Variants in TSPEAR observed in about 807,000 individuals in gnomAD.
TSPEAR encodes thrombospondin-type laminin G domain and EAR repeat-containing protein.
TSPEAR carries 69 observed loss-of-function variants against 71.6 expected under a neutral mutation model. The ratio of observed to expected loss-of-function variants is 0.96; its 90% CI spans 0.79 to 1.18. The LOEUF is 1.18. TSPEAR is among the 50% of genes most tolerant of loss of function. The pLI is 0.00. For synonymous variants in TSPEAR, 402 were observed against 387.2 expected, an observed-to-expected ratio of 1.04 and a Z score of -0.45; for missense variants, 971 against 894.9, an observed-to-expected ratio of 1.09 and a Z score of -1.09.
At chr21:44,566,683 A>C (rs2053707559) in intron 2 of TSPEAR, among the ~76,000 whole-genome samples, 1 of 152,218 alleles carries the variant, frequency 6.6e-6, no homozygotes, top group African/African-American at 2.4e-5. Flanking sequence ...TGAATAAAGT[A>C]AAATTGAGAG....
chr21:44,499,875 A>G lies in TSPEAR; in HGVS notation c.1918T>C (p.Trp640Arg), dbSNP rs782145177. The G allele has an allele frequency of 2.7e-5, 43 of 1,606,400 alleles. No individual in the cohort carries two copies. The South Asian group carries it at 4.1e-4, about 15-fold the overall frequency. The change falls in exon 12 of 12, where the codon TGG becomes CGG. Residue 640 changes from tryptophan (W) to arginine (R), a missense_variant. Trp to Arg is a moderately radical substitution (Grantham distance 101, BLOSUM62 -3). Coordinates refer to ENST00000323084, the MANE Select transcript of TSPEAR (RefSeq NM_144991.3). ...CCAGCCGTGGTGCTGAAGGCCTCCCAGTCCCTGCAGCCGACGGTGGGGAGG... is the reference window on the plus strand; with the variant it reads ...CCAGCCGTGGTGCTGAAGGCCTCCCGGTCCCTGCAGCCGACGGTGGGGAGG... Reference protein sequence around the residue: ...HSLPTVGCRDWEAFSTTAGAY... With the variant: ...HSLPTVGCRDREAFSTTAGAY...
chr21:44,531,106 G>A lies in TSPEAR; in HGVS notation c.570C>T (p.Thr190=). 6.2e-7 allele frequency: 1 copy of A among 1,613,828 alleles called. No homozygotes were observed. Among genetic ancestry groups the A allele is most frequent in the East Asian group, 2.2e-5 (1 of 44,882 alleles). Residue 190 remains threonine, a synonymous_variant, in exon 4 of 12, where the codon ACC becomes ACT. Transcript: ENST00000323084. ...DIMADVPFPA[T]LSVKGARFFV... ...AGAATCGAGCTCCTTTCACTGACAGGGTGGCTGGGAAGGGCACATCGGCCA... is the reference window on the plus strand; with the variant it reads ...AGAATCGAGCTCCTTTCACTGACAGAGTGGCTGGGAAGGGCACATCGGCCA...
intron 1 of TSPEAR, among the ~76,000 whole-genome samples, chr21:44,620,592 A>G (rs1403557700): frequency 6.6e-6 from 1 of 152,182 alleles, no homozygotes; most frequent in African/African-American, 2.4e-5. Context: ...GGTTTGTCAA[A>G]TCTGTTGCTC....
At position 44,651,159 on chromosome 21, in the gene TSPEAR, C is replaced by T. The variant is rs146074853; in HGVS notation, c.82+60274G>A. 1.1e-4 allele frequency among the ~76,000 whole-genome samples: 17 copies of T among 152,224 alleles called. No homozygotes were observed. In the East Asian group the frequency reaches 2.9e-3, roughly 26 times the overall value. On this transcript the variant is annotated intron_variant, in intron 1 of 11. Coordinates refer to ENST00000323084, the MANE Select transcript of TSPEAR (RefSeq NM_144991.3). Reference sequence around the variant, plus strand: ...GCTCCCACAATGGACAGGCCACGAGCGGGAGAGTGAGGCCGAAGCCCTGGC... The same window carrying T: ...GCTCCCACAATGGACAGGCCACGAGTGGGAGAGTGAGGCCGAAGCCCTGGC...
intron 1 of TSPEAR, among the ~76,000 whole-genome samples, chr21:44,605,017 TTCG>T (rs1981220290): frequency 6.6e-6 from 1 of 152,244 alleles, no homozygotes; most frequent in Admixed American, 6.5e-5. Context: ...TGCATCTATA[TTCG>T]TCAAGGACGT....
intron 1 of TSPEAR, among the ~76,000 whole-genome samples, chr21:44,597,472 G>T (rs187876486): frequency 7.1e-6 from 1 of 140,534 alleles, no homozygotes; most frequent in Non-Finnish European, 1.5e-5. Context: ...CACTCTTGTC[G>T]CCCAGGCTGG....
intron 1 of TSPEAR, chr21:44,697,475 C>A (rs782175425): frequency 1.9e-6 from 3 of 1,613,862 alleles, no homozygotes; most frequent in Middle Eastern, 3.3e-4. Context: ...TAGCTGCCAG[C>A]CGGCTTGCTG....
chr21:44,557,575 T>G (rs899249498), intron 2 of TSPEAR, among the ~76,000 whole-genome samples: 7 of 151,532 alleles, frequency 4.6e-5, no homozygotes, highest in African/African-American at 7.3e-5. Flanking sequence ...GTGTGGGGGA[T>G]TCACAGAGAA....
intron 1 of TSPEAR, chr21:44,601,665 C>T (rs1980931321): frequency 6.2e-7 from 1 of 1,613,064 alleles, no homozygotes; most frequent in Non-Finnish European, 8.5e-7. Flanking sequence ...GTGTGTCTCT[C>T]CTTTGCCGCC....
chr21:44,510,929 C>T (rs899039216), intron 9 of TSPEAR: 1 of 152,304 alleles, frequency 6.6e-6, no homozygotes, highest in African/African-American at 2.4e-5. Context: ...CGCGCCCTCC[C>T]CTCCTGCAGC....
intron 1 of TSPEAR, among the ~76,000 whole-genome samples, chr21:44,674,731 A>AGTGTGTGTGTGT (rs59452363): frequency 4.2e-4 from 53 of 127,150 alleles, no homozygotes; most frequent in South Asian, 9.1e-4. Flanking sequence ...CTGTCTTTAA[A>AGTGTGTGTGTGT]GTGTGTGTGT....
At chr21:44,553,316 A>AT (rs1277246236) in intron 2 of TSPEAR, among the ~76,000 whole-genome samples, 1 of 152,228 alleles carries the variant, frequency 6.6e-6, no homozygotes, top group Non-Finnish European at 1.5e-5. Context: ...TAGGATCTAC[A>AT]TTCTCAACCA....
At chr21:44,528,614 A>T in intron 5 of TSPEAR, 31 bp from the exon 6 acceptor site, 2 of 1,611,166 alleles carry the variant, frequency 1.2e-6, no homozygotes, top group Non-Finnish European at 1.7e-6. Context: ...ATGAGTTTCC[A>T]GCAAGCCAGT....
Position 44,527,435 on chromosome 21 carries a change from GGA to G in TSPEAR, c.1004_1005del (p.Ile335ThrfsTer55). 2 of 1,614,242 alleles carry G rather than the reference GGA, an allele frequency of 1.2e-6. No homozygotes were observed. The highest frequency in any genetic ancestry group is 1.7e-6 in the Non-Finnish European group (2 of 1,180,050). On this transcript the variant is annotated frameshift_variant, in exon 7 of 12. Transcript: ENST00000323084. LOFTEE classifies it high-confidence loss of function. ...GTGGCCACAAAGAGCCCCACCTGAG[GGA>G]TGCGGAACACCTCAATGCCCAGGGT... is the stretch of plus-strand genomic sequence containing the variant. ...SETLGIEVFR[I>X]PQVGLFVATA...
chr21:44,628,203 C>T, intron 1 of TSPEAR: 2 of 835,558 alleles, frequency 2.4e-6, no homozygotes, highest in Non-Finnish European at 3.5e-6. Context: ...CTCACTGGCT[C>T]CTCCCTGACC....
chr21:44,539,231 T>A, intron 2 of TSPEAR: 3 of 1,565,946 alleles, frequency 1.9e-6, no homozygotes, highest in Non-Finnish European at 2.6e-6. Context: ...CTAACCCAGG[T>A]CAGGAACTGA....
intron 2 of TSPEAR, chr21:44,550,310 C>T (rs1275835088): frequency 2.0e-5 from 6 of 304,800 alleles, no homozygotes; most frequent in Admixed American, 4.6e-5. Flanking sequence ...CCAGGCCCCA[C>T]TCTGCCCCCT....
chr21:44,620,020 T>G (rs1982343459), intron 1 of TSPEAR, among the ~76,000 whole-genome samples: 1 of 152,098 alleles, frequency 6.6e-6, no homozygotes, highest in African/African-American at 2.4e-5. Context: ...CTCAGAGGGA[T>G]TCACATAAAA....
At chr21:44,582,230 T>C (rs1979027487) in intron 1 of TSPEAR, among the ~76,000 whole-genome samples, 1 of 152,200 alleles carries the variant, frequency 6.6e-6, no homozygotes, top group South Asian at 2.1e-4. Context: ...CAGCCCATTT[T>C]GACAGTTGCA....
Sources: allele counts gnomAD v4.1 joint callset (sites outside exome capture counted in the v4.1 genomes callset), GRCh38; gene constraint gnomAD v4.1.1; transcripts MANE v1.5; gene names NCBI Gene and HGNC (gene_info 2026-07-23, HGNC 2026-07-21).